SCEL: variants seen among roughly 807,000 people sequenced by gnomAD.
The protein encoded by SCEL is sciellin.
A neutral mutation model predicts 117.6 loss-of-function variants in SCEL; 113 were observed. The ratio of observed to expected loss-of-function variants is 0.96; its 90% CI spans 0.83 to 1.12. SCEL has a LOEUF of 1.12. Among genes scored for constraint, SCEL ranks in the 50% most tolerant of loss-of-function variants. The probability of loss-of-function intolerance (pLI) is 0.00; values close to 1 mark genes in which losing one functional copy is unlikely to be tolerated. For synonymous variants in SCEL, 270 were observed against 256.2 expected (o/e 1.05, Z -0.51); for missense variants, 785 against 810.8 (o/e 0.97, Z 0.39).
intron 1 of SCEL, among the ~76,000 whole-genome samples, chr13:77,546,815 C>G (rs1175489455): frequency 6.6e-6 from 1 of 152,080 alleles, no homozygotes; most frequent in Non-Finnish European, 1.5e-5. Context: ...GAACCGGGTC[C>G]CTTCTAACTT....
intron 28 of SCEL, among the ~76,000 whole-genome samples, chr13:77,630,320 G>A (rs1385037874): frequency 6.6e-5 from 10 of 152,126 alleles, no homozygotes; most frequent in Admixed American, 2.0e-4. Flanking sequence ...TTGTGACTAT[G>A]AGTGAAATTA....
intron 1 of SCEL, among the ~76,000 whole-genome samples, chr13:77,539,959 G>A (rs2083612654): frequency 1.3e-5 from 2 of 152,094 alleles, no homozygotes; most frequent in African/African-American, 4.8e-5. Flanking sequence ...GTATGTATCA[G>A]AAAAACACAA....
chr13:77,632,356 G>GT (rs747304290), intron 28 of SCEL, among the ~76,000 whole-genome samples: 1 of 152,128 alleles, frequency 6.6e-6, no homozygotes, highest in Non-Finnish European at 1.5e-5. Flanking sequence ...TTAAAGTTGG[G>GT]TTTTGTATTG....
intron 17 of SCEL, 32 bp downstream of exon 17, chr13:77,602,745 G>A (rs773371330): frequency 4.1e-5 from 65 of 1,581,656 alleles, no homozygotes; most frequent in Non-Finnish European, 5.6e-5. Context: ...CTAAATATTG[G>A]TTATTTTCTC....
chr13:77,586,810 G>T (rs988221372), intron 9 of SCEL, among the ~76,000 whole-genome samples: 5 of 152,118 alleles, frequency 3.3e-5, no homozygotes, highest in African/African-American at 7.2e-5. Context: ...TCCCAGCTCT[G>T]CCCCTTATGA....
At chr13:77,537,008 G>A (rs2083449739) in intron 1 of SCEL, among the ~76,000 whole-genome samples, 1 of 152,194 alleles carries the variant, frequency 6.6e-6, no homozygotes, top group Non-Finnish European at 1.5e-5. Flanking sequence ...CACTTCCATA[G>A]TTTATAACGT....
intron 8 of SCEL, among the ~76,000 whole-genome samples, chr13:77,570,250 A>G (rs2085519641): frequency 6.6e-6 from 1 of 152,200 alleles, no homozygotes; most frequent in Non-Finnish European, 1.5e-5. Context: ...TTTTCCTTCA[A>G]CAAAATTCTG....
chr13:77,600,737 A>C (rs2087610658), intron 15 of SCEL, among the ~76,000 whole-genome samples: 2 of 152,210 alleles, frequency 1.3e-5, no homozygotes, highest in Non-Finnish European at 2.9e-5. Flanking sequence ...CAGAATAGTC[A>C]AGAATGACAA....
intron 28 of SCEL, among the ~76,000 whole-genome samples, chr13:77,629,718 G>C (rs1279200388): frequency 1.3e-5 from 2 of 152,156 alleles, no homozygotes; most frequent in Non-Finnish European, 2.9e-5. Flanking sequence ...TCAGAATGAA[G>C]ACCCAAAGAT....
chr13:77,624,067 C>T (rs1428748429), intron 27 of SCEL, among the ~76,000 whole-genome samples: 2 of 151,048 alleles, frequency 1.3e-5, no homozygotes, highest in African/African-American at 4.9e-5. Context: ...TGTGCCAGGC[C>T]TCTCTCCTTG....
intron 9 of SCEL, among the ~76,000 whole-genome samples, chr13:77,578,621 T>C (rs2086091219): frequency 6.6e-6 from 1 of 152,014 alleles, no homozygotes; most frequent in Non-Finnish European, 1.5e-5. Context: ...CCCAAAGGGA[T>C]GTGGGATTTG....
chr13:77,545,460 A>C (rs1220817517), intron 1 of SCEL, among the ~76,000 whole-genome samples: 1 of 152,204 alleles, frequency 6.6e-6, no homozygotes, highest in Non-Finnish European at 1.5e-5. Flanking sequence ...ATTCCACAAA[A>C]GGGCATTTTT....
chr13:77,548,739 G>A (rs2084133573), intron 1 of SCEL, among the ~76,000 whole-genome samples: 1 of 152,104 alleles, frequency 6.6e-6, no homozygotes. Flanking sequence ...CTTTATGAAG[G>A]GCAGTTCCCC....
chr13:77,552,094 T>C (rs931128488), intron 1 of SCEL, among the ~76,000 whole-genome samples: 2 of 152,060 alleles, frequency 1.3e-5, no homozygotes, highest in African/African-American at 4.8e-5. Context: ...CAGTCTATCA[T>C]TGTTGGACAT....
intron 22 of SCEL, among the ~76,000 whole-genome samples, chr13:77,611,935 A>G (rs1343210377): frequency 5.9e-5 from 9 of 152,290 alleles, no homozygotes. Flanking sequence ...GCACTACTCA[A>G]TGTGAAGAAG....
At chr13:77,604,322 C>T (rs1472696343) in intron 18 of SCEL, 34 bp from the exon 19 acceptor site, 5 of 1,354,184 alleles carry the variant, frequency 3.7e-6, no homozygotes, top group Admixed American at 2.3e-5. Context: ...TATACTTTAA[C>T]ATCATTCATT....
intron 28 of SCEL, among the ~76,000 whole-genome samples, chr13:77,632,194 A>G (rs1356098191): frequency 1.3e-5 from 2 of 152,230 alleles, no homozygotes. Context: ...GGGGGAATAC[A>G]TCTCAGTCCA....
intron 1 of SCEL, among the ~76,000 whole-genome samples, chr13:77,554,564 T>C (rs1302359693): frequency 1.3e-5 from 2 of 152,208 alleles, no homozygotes; most frequent in African/African-American, 2.4e-5. Flanking sequence ...AGGTGGGGGC[T>C]TTTAGAACCC....
intron 17 of SCEL, 116 bp downstream of exon 17, chr13:77,602,829 C>A: frequency 1.2e-6 from 1 of 831,952 alleles, no homozygotes; most frequent in Non-Finnish European, 1.9e-6. Flanking sequence ...ATCCCTGGTG[C>A]CCTGATCTTC....
Sources: allele counts gnomAD v4.1 joint callset (sites outside exome capture counted in the v4.1 genomes callset), GRCh38; gene constraint gnomAD v4.1.1; transcripts MANE v1.5; gene names NCBI Gene and HGNC (gene_info 2026-07-23, HGNC 2026-07-21).